The following MAP4K3 variants were observed in gnomAD, a reference collection of about 807,000 sequenced individuals.
MAP4K3 encodes the protein mitogen-activated protein kinase kinase kinase kinase 3.
A neutral mutation model predicts 143.5 loss-of-function variants in MAP4K3; 94 were observed. The ratio of observed to expected loss-of-function variants is 0.65; its 90% CI spans 0.55 to 0.78. The LOEUF is 0.78. MAP4K3 is among the 30% of genes least tolerant of loss of function. The pLI, the probability that MAP4K3 is intolerant of heterozygous loss-of-function variation, is 0.00. For missense variants in MAP4K3, 1,077 were observed against 1,068.1 expected, an observed-to-expected ratio of 1.01 and a Z score of -0.12; for synonymous variants, 416 against 347.2, an observed-to-expected ratio of 1.20 and a Z score of -2.20.
intron 1 of MAP4K3, among the ~76,000 whole-genome samples, chr2:39,414,768 G>C (rs961807544): frequency 1.3e-5 from 2 of 151,962 alleles, no homozygotes; most frequent in Non-Finnish European, 2.9e-5. Context: ...CCAGCTACTC[G>C]GGGGGTGCTG....
chr2:39,403,093 C>T (rs1359689442), intron 1 of MAP4K3, among the ~76,000 whole-genome samples: 4 of 152,118 alleles, frequency 2.6e-5, no homozygotes, highest in African/African-American at 9.7e-5. Flanking sequence ...GATGGCTTTG[C>T]TGATAAATTC....
At chr2:39,300,406 T>A (rs1404398549) in intron 15 of MAP4K3, among the ~76,000 whole-genome samples, 1 of 152,224 alleles carries the variant, frequency 6.6e-6, no homozygotes, top group African/African-American at 2.4e-5. Context: ...TTTAAACACC[T>A]TCCGACTTAA....
intron 1 of MAP4K3, among the ~76,000 whole-genome samples, chr2:39,405,317 AC>A (rs1456471036): frequency 3.9e-5 from 6 of 152,230 alleles, no homozygotes; most frequent in Non-Finnish European, 7.3e-5. Context: ...ATTGAAGACC[AC>A]CAAGGACGTA....
intron 1 of MAP4K3, among the ~76,000 whole-genome samples, chr2:39,415,980 A>AAAAAAAATATATATATATATAT (rs1553318573): frequency 6.8e-5 from 1 of 14,756 alleles, no homozygotes; most frequent in Non-Finnish European, 1.5e-4. Context: ...AAAAAAAAAA[A>AAAAAAAATATATATATATATAT]ATATATATAT....
chr2:39,265,767 T>C (rs1558608709), intron 27 of MAP4K3, among the ~76,000 whole-genome samples: 1 of 152,198 alleles, frequency 6.6e-6, no homozygotes, highest in Non-Finnish European at 1.5e-5. Context: ...CTTGTCTATC[T>C]TCCCCCTTTT....
In MAP4K3 at chr2:39,267,186, T is replaced by C; in HGVS notation, c.2032+3A>G. On this transcript the variant is annotated splice_donor_region_variant and intron_variant, in intron 27 of 33. Coordinates refer to ENST00000263881, the MANE Select transcript of MAP4K3 (RefSeq NM_003618.4). ...GCTATATGCTATTGGACAGTTTACT[T>C]ACCAACACAACACTTCTGGCACCAT... 1 of 1,613,976 alleles carries C rather than the reference T, an allele frequency of 6.2e-7. No individual in the cohort carries two copies. Among genetic ancestry groups the C allele is most frequent in the Non-Finnish European group, 8.5e-7 (1 of 1,179,868 alleles).
chr2:39,269,955 C>T (rs1257426631), intron 26 of MAP4K3, among the ~76,000 whole-genome samples: 1 of 152,050 alleles, frequency 6.6e-6, no homozygotes, highest in Non-Finnish European at 1.5e-5. Context: ...CAAAAACTCC[C>T]CACACTCTTA....
intron 3 of MAP4K3, among the ~76,000 whole-genome samples, chr2:39,353,620 C>G (rs1371781471): frequency 6.6e-6 from 1 of 152,142 alleles, no homozygotes; most frequent in East Asian, 1.9e-4. Flanking sequence ...TCTCAAGAAT[C>G]TTATTTGTAA....
At chr2:39,295,427 A>G (rs1230537071) in intron 16 of MAP4K3, among the ~76,000 whole-genome samples, 1 of 152,050 alleles carries the variant, frequency 6.6e-6, no homozygotes. Context: ...CCCATAAACA[A>G]AAGCTCTTTG....
At chr2:39,424,216 T>C (rs1229628211) in intron 1 of MAP4K3, among the ~76,000 whole-genome samples, 1 of 152,148 alleles carries the variant, frequency 6.6e-6, no homozygotes, top group African/African-American at 2.4e-5. Context: ...AGTGCTGGGA[T>C]TACAGGCGTG....
At chr2:39,299,096 T>C (rs533960293) in intron 16 of MAP4K3, among the ~76,000 whole-genome samples, 1 of 152,294 alleles carries the variant, frequency 6.6e-6, no homozygotes, top group South Asian at 2.1e-4. Flanking sequence ...TCCACAAACT[T>C]AGAAAATGAG....
chr2:39,301,818 G>GAGA (rs1682521952), intron 15 of MAP4K3, among the ~76,000 whole-genome samples: 1 of 152,004 alleles, frequency 6.6e-6, no homozygotes, highest in Non-Finnish European at 1.5e-5. Context: ...AGGTCAGGAG[G>GAGA]TCGAGATCAT....
At chr2:39,393,753 T>G (rs1015276183) in intron 1 of MAP4K3, among the ~76,000 whole-genome samples, 3 of 152,150 alleles carry the variant, frequency 2.0e-5, no homozygotes, top group East Asian at 3.8e-4. Context: ...TCCAGGACCC[T>G]TGAGTGTACC....
At position 39,333,896 on chromosome 2, in the gene MAP4K3, G is replaced by A. The variant is rs557338979; in HGVS notation, c.415-322C>T. Among the ~76,000 whole-genome samples the A allele has an allele frequency of 2.0e-5, 3 of 151,790 alleles. No homozygotes were observed. The East Asian group carries it at 5.8e-4, about 29-fold the overall frequency. On this transcript the variant is annotated intron_variant, in intron 6 of 33. Transcript: ENST00000263881. ...TCAAACACTATCACCACACTATAAT[G>A]TAACCGTACAATGCATTTTCAACTG...
At chr2:39,337,426 A>T (rs1455679150) in intron 5 of MAP4K3, 100 bp downstream of exon 5, 1 of 782,694 alleles carries the variant, frequency 1.3e-6, no homozygotes, top group Non-Finnish European at 2.1e-6. Flanking sequence ...AGTTTACCAA[A>T]CTAAAATATT....
At chr2:39,419,400 T>A (rs2148626454) in intron 1 of MAP4K3, among the ~76,000 whole-genome samples, 1 of 152,290 alleles carries the variant, frequency 6.6e-6, no homozygotes, top group South Asian at 2.1e-4. Flanking sequence ...TTATATTATT[T>A]TCTATAAAAG....
intron 1 of MAP4K3, among the ~76,000 whole-genome samples, chr2:39,381,006 A>G (rs1181550908): frequency 6.6e-6 from 1 of 152,152 alleles, no homozygotes; most frequent in Non-Finnish European, 1.5e-5. Flanking sequence ...GCAACCACTA[A>G]TCTACTTTCC....
At chr2:39,396,166 C>A (rs771076202) in intron 1 of MAP4K3, among the ~76,000 whole-genome samples, 1 of 151,854 alleles carries the variant, frequency 6.6e-6, no homozygotes, top group Non-Finnish European at 1.5e-5. Flanking sequence ...GACTCCGGAG[C>A]AGTTGGAACT....
chr2:39,303,116 C>T (rs1282775861), intron 15 of MAP4K3: 2 of 166,914 alleles, frequency 1.2e-5, no homozygotes, highest in African/African-American at 2.4e-5. Context: ...TGATACAGTT[C>T]ACTACAAAAA....
Sources: gnomAD v4.1 joint callset for allele counts (sites outside exome capture counted in the v4.1 genomes callset) on GRCh38, gnomAD v4.1.1 for gene constraint, MANE v1.5 for transcripts, NCBI Gene and HGNC (gene_info 2026-07-23, HGNC 2026-07-21) for gene names.